The following TNFAIP8 variants were observed in gnomAD, a reference collection of about 807,000 sequenced individuals.
TNFAIP8 encodes TNF alpha induced protein 8.
In TNFAIP8, 7 loss-of-function variants were observed where a neutral mutation model predicts 13.3. The observed-to-expected ratio is 0.52, with a 90% confidence interval of 0.30 to 0.99. The LOEUF is 0.99. TNFAIP8 is among the 50% of genes least tolerant of loss of function. The pLI, the probability that TNFAIP8 is intolerant of heterozygous loss-of-function variation, is 0.07. For missense variants in TNFAIP8, 258 were observed against 236.9 expected, an observed-to-expected ratio of 1.09 and a Z score of -0.58; for synonymous variants, 94 against 87.6, an observed-to-expected ratio of 1.07 and a Z score of -0.41.
At chr5:119,375,048 T>C (rs548145273) in intron 1 of TNFAIP8, among the ~76,000 whole-genome samples, 65 of 152,344 alleles carry the variant, frequency 4.3e-4, no homozygotes, top group African/African-American at 1.5e-3. Flanking sequence ...TTATGTGATA[T>C]GAATTTTATC....
intron 1 of TNFAIP8, among the ~76,000 whole-genome samples, chr5:119,282,412 G>T (rs548632915): frequency 6.6e-6 from 1 of 152,272 alleles, no homozygotes; most frequent in South Asian, 2.1e-4. Flanking sequence ...ATCTGGTGAG[G>T]CTTTGCCTTT....
At chr5:119,379,413 T>G (rs1752402262) in intron 1 of TNFAIP8, among the ~76,000 whole-genome samples, 1 of 152,220 alleles carries the variant, frequency 6.6e-6, no homozygotes, top group African/African-American at 2.4e-5. Flanking sequence ...AGATTTATTC[T>G]GGCCATTGGA....
At chr5:119,320,405 T>A (rs1750019489) in intron 1 of TNFAIP8, among the ~76,000 whole-genome samples, 1 of 152,116 alleles carries the variant, frequency 6.6e-6, no homozygotes, top group Admixed American at 6.6e-5. Context: ...AAAAAACAAG[T>A]TAAAGAAATT....
At chr5:119,358,659 T>C (rs1050845152) in intron 1 of TNFAIP8, among the ~76,000 whole-genome samples, 16 of 152,218 alleles carry the variant, frequency 1.1e-4, no homozygotes, top group Non-Finnish European at 2.1e-4. Flanking sequence ...TTCCAGTGGA[T>C]GGGGCTTCCT....
intron 1 of TNFAIP8, among the ~76,000 whole-genome samples, chr5:119,349,526 C>T (rs569572105): frequency 3.7e-4 from 56 of 152,322 alleles, no homozygotes; most frequent in African/African-American, 1.3e-3. Flanking sequence ...GTGCTTGCTC[C>T]GCTGATGCGG....
intron 1 of TNFAIP8, among the ~76,000 whole-genome samples, chr5:119,297,031 G>T (rs1262459990): frequency 4.6e-5 from 7 of 151,664 alleles, no homozygotes; most frequent in Non-Finnish European, 8.8e-5. Flanking sequence ...TTCTTTATTA[G>T]TCTTGCTAGC....
chr5:119,325,773 T>C (rs926695860), intron 1 of TNFAIP8, among the ~76,000 whole-genome samples: 2 of 152,150 alleles, frequency 1.3e-5, no homozygotes, highest in African/African-American at 4.8e-5. Context: ...ACAGCTTTCC[T>C]CCCCTTGCTT....
chr5:119,316,467 TTC>T (rs1749898748), intron 1 of TNFAIP8, among the ~76,000 whole-genome samples: 2 of 152,210 alleles, frequency 1.3e-5, no homozygotes, highest in Admixed American at 1.3e-4. Flanking sequence ...CCTTCTCCAC[TTC>T]TTTCTATGTC....
At chr5:119,377,076 C>T (rs965097722) in intron 1 of TNFAIP8, among the ~76,000 whole-genome samples, 3 of 152,104 alleles carry the variant, frequency 2.0e-5, no homozygotes, top group African/African-American at 7.2e-5. Flanking sequence ...AGGCACTTTG[C>T]CTGGCACATA....
At chr5:119,334,270 A>G (rs1264891224) in intron 1 of TNFAIP8, among the ~76,000 whole-genome samples, 3 of 152,212 alleles carry the variant, frequency 2.0e-5, no homozygotes, top group Non-Finnish European at 4.4e-5. Flanking sequence ...AGTAAATTGA[A>G]AAAGTTATCA....
rs147367383 is a variant in TNFAIP8 at position 119,279,602 on chromosome 5, G to A, written c.1+10695G>A. On this transcript the variant is annotated intron_variant, in intron 1 of 1. Transcript: ENST00000274456. ...ATGTGTTTGTTAGAGATAGGGTCTT[G>A]CTCTGTTGCCCAGGCTGGAGTGCAA... Among the ~76,000 whole-genome samples the A allele has an allele frequency of 8.3e-3, 1,258 of 152,200 alleles. 17 individuals are homozygous for A. Among genetic ancestry groups the A allele is most frequent in the Middle Eastern group, 0.027 (8 of 294 alleles).
chr5:119,364,831 TTTC>T (rs1751772306), intron 1 of TNFAIP8, among the ~76,000 whole-genome samples: 1 of 150,678 alleles, frequency 6.6e-6, no homozygotes, highest in African/African-American at 2.4e-5. Context: ...TTTCCCCTTT[TTTC>T]TTTTCAGTTT....
intron 1 of TNFAIP8, among the ~76,000 whole-genome samples, chr5:119,307,918 G>GC (rs1749615318): frequency 6.6e-6 from 1 of 152,144 alleles, no homozygotes; most frequent in Non-Finnish European, 1.5e-5. Flanking sequence ...AGCTAGTACT[G>GC]TCCTTTGGAG....
At chr5:119,308,490 C>G (rs1359637584) in intron 1 of TNFAIP8, among the ~76,000 whole-genome samples, 1 of 148,638 alleles carries the variant, frequency 6.7e-6, no homozygotes, top group Non-Finnish European at 1.5e-5. Context: ...TCCATTGCAT[C>G]AGGGTTGGCC....
intron 1 of TNFAIP8, among the ~76,000 whole-genome samples, chr5:119,357,642 A>G (rs933996029): frequency 1.3e-5 from 2 of 151,762 alleles, no homozygotes; most frequent in African/African-American, 4.8e-5. Flanking sequence ...CTCTGGTTTT[A>G]AGTTTGGAAG....
At chr5:119,291,029 A>AT (rs2150810685) in intron 1 of TNFAIP8, among the ~76,000 whole-genome samples, 1 of 152,236 alleles carries the variant, frequency 6.6e-6, no homozygotes, top group East Asian at 1.9e-4. Context: ...TCATTGGCAT[A>AT]TTTTAGCTTT....
At chr5:119,302,168 G>A (rs1183588526) in intron 1 of TNFAIP8, among the ~76,000 whole-genome samples, 1 of 152,216 alleles carries the variant, frequency 6.6e-6, no homozygotes, top group African/African-American at 2.4e-5. Context: ...TAACTGGCCA[G>A]TGCATTGAAC....
chr5:119,349,218 G>C (rs1249062585), intron 1 of TNFAIP8, among the ~76,000 whole-genome samples: 1 of 152,210 alleles, frequency 6.6e-6, no homozygotes, highest in Non-Finnish European at 1.5e-5. Context: ...AATATTTACA[G>C]AGCCAGCATT....
At chr5:119,294,018 C>G (rs1183246869) in intron 1 of TNFAIP8, among the ~76,000 whole-genome samples, 2 of 151,896 alleles carry the variant, frequency 1.3e-5, no homozygotes, top group Non-Finnish European at 2.9e-5. Flanking sequence ...AACGTGTTAG[C>G]TCTTCCCAAT....
Sources: gnomAD v4.1 joint callset for allele counts (sites outside exome capture counted in the v4.1 genomes callset) on GRCh38, gnomAD v4.1.1 for gene constraint, MANE v1.5 for transcripts, NCBI Gene and HGNC (gene_info 2026-07-23, HGNC 2026-07-21) for gene names.